The following CRELD2 variants were observed in gnomAD, a reference collection of about 807,000 sequenced individuals.
CRELD2 encodes the protein protein disulfide isomerase CRELD2.
In CRELD2, 33 loss-of-function variants were observed where a neutral mutation model predicts 48.1. That is an observed-to-expected ratio of 0.69 (90% confidence interval 0.52 to 0.92). The LOEUF is 0.92. Among genes scored for constraint, CRELD2 ranks in the 40% least tolerant of loss-of-function variants. The pLI is 0.00. For synonymous variants in CRELD2, 220 were observed against 203.9 expected, an observed-to-expected ratio of 1.08 and a Z score of -0.67; for missense variants, 477 against 482.4, an observed-to-expected ratio of 0.99 and a Z score of 0.10.
rs771938750 is a variant in CRELD2 at position 49,923,297 on chromosome 22, A to T, written c.752A>T (p.Asn251Ile). 1.9e-6 allele frequency: 3 copies of T among 1,611,882 alleles called. No homozygotes were observed. The South Asian group carries it at 3.3e-5, about 18-fold the overall frequency. ...CSAAQFCKNANGSYTCEECDS... is the reference protein window; with the variant it reads ...CSAAQFCKNAIGSYTCEECDS... Reference sequence around the variant, plus strand: ...GCTGCGCAGTTCTGTAAGAACGCCAACGGCTCCTACACGTGCGAAGGTGGG... The same window carrying T: ...GCTGCGCAGTTCTGTAAGAACGCCATCGGCTCCTACACGTGCGAAGGTGGG... Residue 251 changes from asparagine to isoleucine, a missense_variant, in exon 7 of 10, where the codon AAC (asparagine) becomes ATC (isoleucine). Coordinates refer to ENST00000328268, the MANE Select transcript of CRELD2 (RefSeq NM_024324.5).
intron 4 of CRELD2, 118 bp from the exon 5 acceptor site, chr22:49,921,467 G>C: frequency 9.2e-7 from 1 of 1,086,526 alleles, no homozygotes; most frequent in Non-Finnish European, 1.3e-6. Context: ...CAAGCCTTCA[G>C]GCTCATGTAC....
chr22:49,927,176 GC>G (rs1448312502), intron 9 of CRELD2, 78 bp from the exon 10 acceptor site: 2 of 1,287,016 alleles, frequency 1.6e-6, no homozygotes, highest in Non-Finnish European at 2.3e-6. Flanking sequence ...CCCTGCACAT[GC>G]GCTGCTGTCC....
In CRELD2 at chr22:49,919,266, G is replaced by T. The variant is rs750990035; in HGVS notation, c.166G>T (p.Gly56Trp). Residue 56 changes from glycine (G) to tryptophan (W), a missense_variant, in exon 2 of 10, where the codon GGG (glycine) becomes TGG (tryptophan). Physicochemically the swap from Gly to Trp is radical, Grantham distance 184 (BLOSUM62 -2). Transcript: ENST00000328268. ...CACCGCAAAGAAGAACTTTGGCGGCGGGAACACGGCTTGGGAGGAAAAGAC... is the reference window on the plus strand; with the variant it reads ...CACCGCAAAGAAGAACTTTGGCGGCTGGAACACGGCTTGGGAGGAAAAGAC... ...VDTAKKNFGG[G>W]NTAWEEKTLS... is the part of the protein sequence containing the mutation. 1.9e-6 allele frequency: 3 copies of T among 1,613,720 alleles called. No homozygotes were observed. Among genetic ancestry groups the T allele is most frequent in the Non-Finnish European group, 2.5e-6 (3 of 1,180,006 alleles).
intron 7 of CRELD2, chr22:49,923,539 C>A (rs7410601): frequency 1.5e-6 from 1 of 652,586 alleles, no homozygotes; most frequent in South Asian, 1.6e-5. Flanking sequence ...CCCTGGAGAG[C>A]GCACCCTGCT....
chr22:49,921,894 C>T, intron 5 of CRELD2, 133 bp downstream of exon 5: 1 of 898,206 alleles, frequency 1.1e-6, no homozygotes, highest in South Asian at 1.7e-5. Context: ...CTTCGAGGGC[C>T]CAGAAGGATG....
In CRELD2 at chr22:49,924,360, A is replaced by C. The variant is rs773937948; in HGVS notation, c.773A>C (p.Glu258Ala). ...KNANGSYTCE[E>A]CDSSCVGCTG... ...GTCTGACGCTGGCTCCCTGTTGCAG[A>C]GTGTGACTCCAGCTGTGTGGGCTGC... The change falls in exon 8 of 10, where the codon GAG becomes GCG. Residue 258 changes from glutamate (E) to alanine (A), a missense_variant and splice_region_variant. Coordinates refer to ENST00000328268, the MANE Select transcript of CRELD2 (RefSeq NM_024324.5). 28 of 1,609,798 alleles carry C rather than the reference A, an allele frequency of 1.7e-5. No individual in the cohort carries two copies. The African/African-American group carries it at 2.4e-4, about 14-fold the overall frequency.
At position 49,918,760 on chromosome 22, in the gene CRELD2, G is replaced by A. The variant is rs1332886617; in HGVS notation, c.-10G>A. Reference sequence around the variant, plus strand: ...AGCTCCGGCTGCGTCTTCCCGCAGCGCTACCCGCCATGCGCCTGCCGCGCC... The same window carrying A: ...AGCTCCGGCTGCGTCTTCCCGCAGCACTACCCGCCATGCGCCTGCCGCGCC... On this transcript the variant is annotated 5_prime_UTR_variant, in exon 1 of 10. Coordinates refer to ENST00000328268, the MANE Select transcript of CRELD2 (RefSeq NM_024324.5). The A allele has an allele frequency of 1.8e-6, 2 of 1,107,856 alleles. No individual in the cohort carries two copies. The highest frequency in any genetic ancestry group is 2.6e-5 in the South Asian group (1 of 37,900). The allele number at this position is 1,107,856 out of a possible 1,614,324, so 68.6% of individuals were successfully genotyped here.
chr22:49,925,144 AAAG>A, intron 8 of CRELD2: 2 of 275,574 alleles, frequency 7.3e-6, no homozygotes, highest in South Asian at 5.8e-5. Flanking sequence ...AAAAAAAAAA[AAAG>A]GAAAAGAAAG....
At position 49,923,336 on chromosome 22, in the gene CRELD2, T is replaced by TCTGCACTCAGGGGC; in HGVS notation, c.772+27_772+28insAGGGGCCTGCACTC. The TCTGCACTCAGGGGC allele has an allele frequency of 6.4e-7, 1 of 1,564,986 alleles. No homozygotes were observed. The highest frequency in any genetic ancestry group is 8.8e-7 in the Non-Finnish European group (1 of 1,140,140). ...TGCGAAGGTGGGCCAGGCGGGCGGG[T>TCTGCACTCAGGGGC]CTGCACTCCGGGGCCTGCCGGGTTT... On this transcript the variant is annotated intron_variant, in intron 7 of 9. Transcript: ENST00000328268.
chr22:49,924,433 G>C lies in CRELD2; in HGVS notation c.846G>C (p.Ala282=), dbSNP rs369529017. 8 of 1,609,344 alleles carry C rather than the reference G, an allele frequency of 5.0e-6. No individual in the cohort carries two copies. The highest frequency in any genetic ancestry group is 4.0e-5 in the African/African-American group (3 of 74,856). Reference sequence around the variant, plus strand: ...GTAAAGAGTGTATCTCTGGCTACGCGAGGGAGCACGGACAGTGTGCAGGTC... The same window carrying C: ...GTAAAGAGTGTATCTCTGGCTACGCCAGGGAGCACGGACAGTGTGCAGGTC... The part of the protein sequence containing the change: ...GNCKECISGY[A]REHGQCADVD... The change falls in exon 8 of 10, where the codon GCG becomes GCC. Residue 282 remains alanine, a synonymous_variant. Coordinates refer to ENST00000328268, the MANE Select transcript of CRELD2 (RefSeq NM_024324.5).
chr22:49,924,017 C>A (rs745431459), intron 7 of CRELD2: 10 of 236,924 alleles, frequency 4.2e-5, no homozygotes, highest in South Asian at 1.6e-4. Context: ...GGAAGCCATG[C>A]GAGAGGCTCT....
Position 49,924,425 on chromosome 22 carries a change from G to A in CRELD2, c.838G>A (p.Gly280Ser). The A allele has an allele frequency of 6.2e-7, 1 of 1,611,294 alleles. No homozygotes were observed. The highest frequency in any genetic ancestry group is 1.7e-5 in the Admixed American group (1 of 59,790). The change falls in exon 8 of 10, where the codon GGC (glycine) becomes AGC (serine). Residue 280 changes from glycine to serine, a missense_variant. Gly to Ser is a moderately conservative substitution (Grantham distance 56, BLOSUM62 0). Transcript: ENST00000328268. ...AGGAAACTGTAAAGAGTGTATCTCT[G>A]GCTACGCGAGGGAGCACGGACAGTG... ...GPGNCKECIS[G>S]YAREHGQCAD... is the part of the protein sequence containing the mutation.
At chr22:49,922,456 T>G (rs779969660) in intron 5 of CRELD2, 156 bp from the exon 6 acceptor site, 1 of 1,570,430 alleles carries the variant, frequency 6.4e-7, no homozygotes, top group East Asian at 2.3e-5. Flanking sequence ...TATTAAAAAT[T>G]CCTTGGAGTC....
chr22:49,919,382 G>A, intron 2 of CRELD2, 70 bp downstream of exon 2: 1 of 1,415,944 alleles, frequency 7.1e-7, no homozygotes, highest in Non-Finnish European at 9.9e-7. Context: ...CCTGCCTTTG[G>A]TGCCTGTGTT....
chr22:49,919,760 G>T lies in CRELD2; in HGVS notation c.243G>T (p.Gly81=). 6.2e-7 allele frequency: 1 copy of T among 1,612,034 alleles called. No homozygotes were observed. The highest frequency in any genetic ancestry group is 8.5e-7 in the Non-Finnish European group (1 of 1,179,222). The part of the protein sequence containing the change: ...SEIRLLEILE[G]LCESSDFECN... ...TTCGCCTGCTGGAGATCCTGGAGGGGCTGTGCGAGAGCAGCGACTTCGAAT... is the reference window on the plus strand; with the variant it reads ...TTCGCCTGCTGGAGATCCTGGAGGGTCTGTGCGAGAGCAGCGACTTCGAAT... Residue 81 remains glycine (G), a synonymous_variant, in exon 3 of 10, where the codon GGG becomes GGT. Coordinates refer to ENST00000328268, the MANE Select transcript of CRELD2 (RefSeq NM_024324.5).
chr22:49,921,790 G>C, intron 5 of CRELD2, 29 bp downstream of exon 5: 1 of 1,584,850 alleles, frequency 6.3e-7, no homozygotes, highest in Non-Finnish European at 8.6e-7. Flanking sequence ...CTGGCCCCGG[G>C]GTTGAGGCGG....
At chr22:49,919,030 G>T in intron 1 of CRELD2, 132 bp downstream of exon 1, 2 of 885,308 alleles carry the variant, frequency 2.3e-6, no homozygotes, top group Non-Finnish European at 3.3e-6. Context: ...CTGGATTCGG[G>T]ATCCCCCTCA....
intron 7 of CRELD2, 33 bp downstream of exon 7, chr22:49,923,350 C>CCTGCACTCCGGGGT: frequency 1.3e-6 from 2 of 1,556,544 alleles, no homozygotes; most frequent in Non-Finnish European, 8.8e-7. Flanking sequence ...CACTCCGGGG[C>CCTGCACTCCGGGGT]CTGCCGGGTT....
Position 49,927,506 on chromosome 22 carries a change from A to C in CRELD2, c.*199A>C. On this transcript the variant is annotated 3_prime_UTR_variant, in exon 10 of 10. Transcript: ENST00000328268. ...GTATATTTTGATACAGTTCTTTGTA[A>C]TAAAATTGACCATTGTAGGTAATCA... is the stretch of plus-strand genomic sequence containing the variant. 1 of 588,200 alleles carries C rather than the reference A, an allele frequency of 1.7e-6. No homozygotes were observed. Among genetic ancestry groups the C allele is most frequent in the South Asian group, 2.0e-5 (1 of 50,026 alleles). 36.4% of individuals were successfully genotyped at this position (588,200 alleles called of 1,614,324 possible). A position where few individuals can be genotyped will look rare whatever the true frequency, so the allele number is the denominator to read the frequency against.
Sources: gnomAD v4.1 joint callset for allele counts on GRCh38, gnomAD v4.1.1 for gene constraint, MANE v1.5 for transcripts, NCBI Gene and HGNC (gene_info 2026-07-23, HGNC 2026-07-21) for gene names.